The following HTR4 variants were observed in gnomAD, a reference collection of about 807,000 sequenced individuals.
HTR4 encodes the protein 5-hydroxytryptamine (serotonin) receptor 4, G protein-coupled.
Under a neutral mutation model 36.8 loss-of-function variants are expected in HTR4, and 16 were observed. The ratio of observed to expected loss-of-function variants is 0.43; its 90% CI spans 0.29 to 0.66. The LOEUF (loss-of-function observed/expected upper bound fraction) is 0.66, where lower values mean the gene tolerates loss of function less well. Ranked by LOEUF, HTR4 falls within the 30% of genes least tolerant of loss-of-function variation. The probability of loss-of-function intolerance (pLI) is 0.13; values close to 1 mark genes in which losing one functional copy is unlikely to be tolerated. For synonymous variants in HTR4, 189 were observed against 185.1 expected (o/e 1.02, Z -0.17); for missense variants, 438 against 490.9 (o/e 0.89, Z 1.02).
At chr5:148,587,051 C>T (rs112782046) in intron 2 of HTR4, among the ~76,000 whole-genome samples, 113 of 152,302 alleles carry the variant, frequency 7.4e-4, no homozygotes, top group African/African-American at 2.5e-3. Flanking sequence ...CTCCCCTGAA[C>T]CCCCACTGCT....
intron 5 of HTR4, among the ~76,000 whole-genome samples, chr5:148,454,172 CT>C (rs1431981252): frequency 6.6e-6 from 1 of 152,156 alleles, no homozygotes; most frequent in Non-Finnish European, 1.5e-5. Flanking sequence ...CATTTGACAA[CT>C]TATTTAATCT....
chr5:148,575,633 T>C (rs771647585), intron 2 of HTR4, among the ~76,000 whole-genome samples: 3 of 152,110 alleles, frequency 2.0e-5, no homozygotes, highest in Admixed American at 1.3e-4. Context: ...GGACTCATTT[T>C]CTATAATTGC....
At chr5:148,463,162 T>A (rs1755323836) in intron 5 of HTR4, among the ~76,000 whole-genome samples, 1 of 130,190 alleles carries the variant, frequency 7.7e-6, no homozygotes. Context: ...TTTCTTTTTT[T>A]TTCTTTTTTT....
rs1184534717 is a variant in HTR4, at chr5:148,637,059, G to T, written c.-45C>A. On this transcript the variant is annotated splice_region_variant and 5_prime_UTR_variant, in exon 2 of 7. Coordinates refer to ENST00000377888, the MANE Select transcript of HTR4 (RefSeq NM_000870.7). ...TGAGTTGGATTTCAATGCCCACAGG[G>T]TCCTAAAATGGGGGAAGTAAAAAGA... The T allele has an allele frequency of 3.8e-6, 6 of 1,599,248 alleles. No homozygotes were observed. Among genetic ancestry groups the T allele is most frequent in the South Asian group, 2.2e-5 (2 of 89,776 alleles).
At chr5:148,615,725 AAT>A in intron 2 of HTR4, among the ~76,000 whole-genome samples, 1 of 151,734 alleles carries the variant, frequency 6.6e-6, no homozygotes, top group East Asian at 1.9e-4. Context: ...AATAAAATAA[AAT>A]AAAATAAAAT....
intron 5 of HTR4, among the ~76,000 whole-genome samples, chr5:148,520,522 A>G (rs1433879981): frequency 6.6e-6 from 1 of 152,178 alleles, no homozygotes; most frequent in Non-Finnish European, 1.5e-5. Flanking sequence ...AGACTCTGGA[A>G]TCCAAAGCCC....
At chr5:148,616,864 G>T (rs1461060211) in intron 2 of HTR4, among the ~76,000 whole-genome samples, 2 of 152,020 alleles carry the variant, frequency 1.3e-5, no homozygotes, top group Admixed American at 6.5e-5. Flanking sequence ...ACTACACCAG[G>T]ATCATTTAAG....
intron 6 of HTR4, among the ~76,000 whole-genome samples, chr5:148,501,928 C>G (rs1163768266): frequency 6.6e-6 from 1 of 151,960 alleles, no homozygotes; most frequent in African/African-American, 2.4e-5. Context: ...GGCATGGTGG[C>G]AGGTGCCTGT....
At position 148,482,657 on chromosome 5, in the gene HTR4, G is replaced by C. The variant is rs200387050; in HGVS notation, c.*546C>G. On this transcript the variant is annotated 3_prime_UTR_variant, in exon 7 of 7. Transcript: ENST00000377888. ...GACCCAGACACAGGGAGAAAAGTGTGTTAGCGTCTGGCACAGAACAGGGCG... is the reference window on the plus strand; with the variant it reads ...GACCCAGACACAGGGAGAAAAGTGTCTTAGCGTCTGGCACAGAACAGGGCG... The C allele has an allele frequency of 1.1e-5, 11 of 990,012 alleles. No homozygotes were observed. Among genetic ancestry groups the C allele is most frequent in the Admixed American group, 5.7e-5 (1 of 17,514 alleles). The allele number at this position is 990,012 out of a possible 1,614,324, so 61.3% of individuals were successfully genotyped here.
chr5:148,594,766 A>G lies in HTR4; in HGVS notation c.26+42223T>C, dbSNP rs182683273. Among the ~76,000 whole-genome samples, 34 of 152,334 alleles carry G rather than the reference A, an allele frequency of 2.2e-4. No individual in the cohort carries two copies. The East Asian group carries it at 5.4e-3, about 24-fold the overall frequency. ...TGTATTCAAGGTCAATTAGCCATGG[A>G]CAAGGCTGGCTTTAACCCTAATCTT... is the stretch of plus-strand genomic sequence containing the variant. On this transcript the variant is annotated intron_variant, in intron 2 of 6. Coordinates refer to ENST00000377888, the MANE Select transcript of HTR4 (RefSeq NM_000870.7).
chr5:148,580,407 C>A (rs1413412866), intron 2 of HTR4, among the ~76,000 whole-genome samples: 2 of 152,052 alleles, frequency 1.3e-5, no homozygotes, highest in Non-Finnish European at 2.9e-5. Context: ...CCCCTTTTTA[C>A]TCTAATGAGA....
chr5:148,563,879 C>A (rs959625965), intron 2 of HTR4, among the ~76,000 whole-genome samples: 1 of 152,148 alleles, frequency 6.6e-6, no homozygotes, highest in Non-Finnish European at 1.5e-5. Context: ...GGTCCTGGGA[C>A]AAATCCCCTA....
At chr5:148,492,084 T>G (rs1756479365) in intron 6 of HTR4, among the ~76,000 whole-genome samples, 1 of 152,226 alleles carries the variant, frequency 6.6e-6, no homozygotes, top group African/African-American at 2.4e-5. Flanking sequence ...TTTCTGGAGC[T>G]GAGTGTTGTT....
At chr5:148,621,712 TC>T in intron 2 of HTR4, among the ~76,000 whole-genome samples, 1 of 152,334 alleles carries the variant, frequency 6.6e-6, no homozygotes, top group South Asian at 2.1e-4. Context: ...CCATGGATAA[TC>T]TATTTTTTCT....
rs1346457979 is a variant in HTR4 at position 148,641,004 on chromosome 5, T to C, written c.-47-3943A>G. The stretch of plus-strand genomic sequence containing the variant: ...GAGAAAGGAACAGAGGAAGGAGGAG[T>C]TGATGATTAGTACCTATCCTAATTT... On this transcript the variant is annotated intron_variant, in intron 1 of 6. Coordinates refer to ENST00000377888, the MANE Select transcript of HTR4 (RefSeq NM_000870.7). Among the ~76,000 whole-genome samples, 3 of 151,838 alleles carry C rather than the reference T, an allele frequency of 2.0e-5. No individual in the cohort carries two copies. In the East Asian group the frequency reaches 5.8e-4, roughly 29 times the overall value.
At chr5:148,595,377 C>T (rs1218375928) in intron 2 of HTR4, among the ~76,000 whole-genome samples, 2 of 152,108 alleles carry the variant, frequency 1.3e-5, no homozygotes, top group Non-Finnish European at 2.9e-5. Context: ...AGATCCAACA[C>T]CAGCCCAAAG....
chr5:148,476,253 A>C (rs1755690286), downstream of HTR4, among the ~76,000 whole-genome samples: 1 of 152,220 alleles, frequency 6.6e-6, no homozygotes, highest in Admixed American at 6.5e-5. Flanking sequence ...ATGGAGGCCA[A>C]TGTCCTCTAA....
At chr5:148,589,000 C>A (rs1018036243) in intron 2 of HTR4, among the ~76,000 whole-genome samples, 2 of 151,878 alleles carry the variant, frequency 1.3e-5, no homozygotes, top group Non-Finnish European at 2.9e-5. Flanking sequence ...TTATTCAATG[C>A]CATTCTTTTG....
chr5:148,540,436 ATATATATAT>A (rs1759059806), intron 4 of HTR4, among the ~76,000 whole-genome samples: 1 of 135,812 alleles, frequency 7.4e-6, no homozygotes, highest in South Asian at 2.3e-4. Flanking sequence ...ATATATATAT[ATATATATAT>A]ATAATCTTAT....
Sources: allele counts gnomAD v4.1 joint callset (sites outside exome capture counted in the v4.1 genomes callset), GRCh38; gene constraint gnomAD v4.1.1; transcripts MANE v1.5; gene names NCBI Gene and HGNC (gene_info 2026-07-23, HGNC 2026-07-21).